DNAAF11: variants seen among roughly 807,000 people sequenced by gnomAD.
DNAAF11 encodes dynein axonemal assembly factor 11, also known as leucine rich repeat containing 6.
DNAAF11 carries 45 observed loss-of-function variants against 60.8 expected under a neutral mutation model. The observed-to-expected ratio is 0.74, with a 90% CI of 0.58 to 0.95. DNAAF11 has a LOEUF of 0.95. DNAAF11 is among the 40% of genes least tolerant of loss of function. DNAAF11 has a pLI of 0.00. For synonymous variants in DNAAF11, 191 were observed against 183.5 expected, an observed-to-expected ratio of 1.04 and a Z score of -0.33; for missense variants, 546 against 546.2, an observed-to-expected ratio of 1.00 and a Z score of 0.00.
intron 3 of DNAAF11, among the ~76,000 whole-genome samples, chr8:132,648,680 A>G (rs1822664989): frequency 6.6e-6 from 1 of 152,228 alleles, no homozygotes; most frequent in Non-Finnish European, 1.5e-5. Context: ...TAAAAAATCA[A>G]TGTGCAAAAA....
chr8:132,675,024 C>T (rs1199179648), intron 1 of DNAAF11, among the ~76,000 whole-genome samples: 1 of 152,216 alleles, frequency 6.6e-6, no homozygotes, highest in African/African-American at 2.4e-5. Context: ...AGAGGGAGGA[C>T]TTCAACCCTG....
the DNAAF11 span, among the ~76,000 whole-genome samples, chr8:132,701,086 C>G: frequency 6.6e-6 from 1 of 152,148 alleles, no homozygotes; most frequent in African/African-American, 2.4e-5. Flanking sequence ...ATAATGGCAC[C>G]AACCTTGTCT....
In DNAAF11 at chr8:132,571,905, A is replaced by T. The variant is rs193057563; in HGVS notation, c.*401T>A. The T allele has an allele frequency of 2.2e-4, 34 of 157,418 alleles. No homozygotes were observed. In the East Asian group the frequency reaches 6.1e-3, roughly 28 times the overall value. The allele number at this position is 157,418 out of a possible 1,614,324, so 9.8% of individuals were successfully genotyped here. A position where few individuals can be genotyped will look rare whatever the true frequency, so the allele number is the denominator to read the frequency against. ...GAAATGCTGTTTAAAATCATATTAA[A>T]GTATTCCAATTGGGTCTGAAATTAC... On this transcript the variant is annotated 3_prime_UTR_variant, in exon 12 of 12. Coordinates refer to ENST00000620350, the MANE Select transcript of DNAAF11 (RefSeq NM_012472.6).
At chr8:132,668,743 T>G (rs1331818272) in intron 1 of DNAAF11, among the ~76,000 whole-genome samples, 2 of 152,124 alleles carry the variant, frequency 1.3e-5, no homozygotes, top group Non-Finnish European at 2.9e-5. Flanking sequence ...CGCCCGGCCC[T>G]GAGCTGAATC....
At chr8:132,701,116 G>T in the DNAAF11 span, among the ~76,000 whole-genome samples, 5 of 152,230 alleles carry the variant, frequency 3.3e-5, no homozygotes, top group South Asian at 1.0e-3. Context: ...GAGCCCTCAT[G>T]GCCTAATCAC....
intron 4 of DNAAF11, among the ~76,000 whole-genome samples, chr8:132,633,715 A>T (rs925518578): frequency 1.3e-5 from 2 of 152,152 alleles, no homozygotes; most frequent in Non-Finnish European, 2.9e-5. Flanking sequence ...TGATTCTTAT[A>T]AGGACCACAG....
the DNAAF11 span, among the ~76,000 whole-genome samples, chr8:132,699,445 C>T: frequency 6.6e-6 from 1 of 152,126 alleles, no homozygotes; most frequent in Non-Finnish European, 1.5e-5. Flanking sequence ...GGGTAATTAA[C>T]AAGGAAGCCA....
chr8:132,621,100 G>A (rs1001127413), intron 7 of DNAAF11, among the ~76,000 whole-genome samples: 2 of 152,280 alleles, frequency 1.3e-5, no homozygotes, highest in African/African-American at 4.8e-5. Flanking sequence ...GAAGGAGCAG[G>A]GGTGCTATAT....
At chr8:132,599,272 G>T (rs1554675655) in intron 10 of DNAAF11, among the ~76,000 whole-genome samples, 1 of 152,114 alleles carries the variant, frequency 6.6e-6, no homozygotes, top group Non-Finnish European at 1.5e-5. Context: ...TGAAATTGAG[G>T]CAATAATTAA....
chr8:132,597,649 T>G (rs149910519), intron 10 of DNAAF11, among the ~76,000 whole-genome samples: 166 of 152,300 alleles, frequency 1.1e-3, no homozygotes, highest in African/African-American at 3.8e-3. Context: ...TTAGAGAGGA[T>G]GCCCATGATT....
chr8:132,628,335 C>T (rs1366970484), intron 5 of DNAAF11, among the ~76,000 whole-genome samples: 1 of 152,078 alleles, frequency 6.6e-6, no homozygotes, highest in East Asian at 1.9e-4. Context: ...TCGCTTGAAC[C>T]CAGGAGGCAG....
rs1563992420 is a variant in DNAAF11, at chr8:132,595,347, G to GAAAAAAAAAAAAA, written c.1141-11569_1141-11568insTTTTTTTTTTTTT. Among the ~76,000 whole-genome samples, 6 of 40,680 alleles carry GAAAAAAAAAAAAA rather than the reference G, an allele frequency of 1.5e-4. 3 individuals are homozygous for GAAAAAAAAAAAAA. The highest frequency in any genetic ancestry group is 1.9e-4 in the Non-Finnish European group (4 of 21,374). 26.7% of individuals were successfully genotyped at this position (40,680 alleles called of 152,430 possible). The stretch of plus-strand genomic sequence containing the variant: ...TTCCCGAAAGAGAGAGAGACAGAGG[G>GAAAAAAAAAAAAA]GAAAAAAAAAAAAAAAAAAAAAAAA... On this transcript the variant is annotated intron_variant, in intron 10 of 11. Transcript: ENST00000620350.
the DNAAF11 span, among the ~76,000 whole-genome samples, chr8:132,688,472 C>A: frequency 2.0e-5 from 3 of 152,176 alleles, no homozygotes; most frequent in Non-Finnish European, 4.4e-5. Context: ...TAAGGCCTGG[C>A]CAATAACAAT....
chr8:132,655,296 G>A (rs192256621), intron 3 of DNAAF11, among the ~76,000 whole-genome samples: 8 of 152,090 alleles, frequency 5.3e-5, no homozygotes, highest in Non-Finnish European at 1.0e-4. Context: ...GGACCAGATG[G>A]CTTTCCTGGT....
chr8:132,615,010 TA>T, intron 8 of DNAAF11, 27 bp downstream of exon 8: 1 of 1,461,796 alleles, frequency 6.8e-7, no homozygotes, highest in African/African-American at 1.4e-5. Context: ...AGAAATGTCA[TA>T]AATAAATACG....
chr8:132,667,431 T>C (rs1824745448), intron 1 of DNAAF11, among the ~76,000 whole-genome samples: 1 of 152,186 alleles, frequency 6.6e-6, no homozygotes, highest in Non-Finnish European at 1.5e-5. Context: ...AAGAAATAAA[T>C]AATAAAATGC....
At chr8:132,672,207 T>A (rs1434773183) in intron 1 of DNAAF11, among the ~76,000 whole-genome samples, 1 of 152,096 alleles carries the variant, frequency 6.6e-6, no homozygotes, top group Non-Finnish European at 1.5e-5. Flanking sequence ...CCAAAGAAGA[T>A]CTATAGATGA....
intron 7 of DNAAF11, among the ~76,000 whole-genome samples, chr8:132,616,316 C>T (rs1222707296): frequency 1.3e-5 from 2 of 152,066 alleles, no homozygotes; most frequent in African/African-American, 4.8e-5. Flanking sequence ...ATCCTTTCTT[C>T]CCTTTTTTCT....
chr8:132,661,707 T>G (rs767679432), intron 1 of DNAAF11, 80 bp from the exon 2 acceptor site: 8 of 1,443,538 alleles, frequency 5.5e-6, no homozygotes, highest in South Asian at 1.2e-5. Flanking sequence ...CGCATTTGTG[T>G]TTTTTTTGTT....
Sources: gnomAD v4.1 joint callset for allele counts (sites outside exome capture counted in the v4.1 genomes callset) on GRCh38, gnomAD v4.1.1 for gene constraint, MANE v1.5 for transcripts, NCBI Gene and HGNC (gene_info 2026-07-23, HGNC 2026-07-21) for gene names.